Variants in GPN2 observed in about 807,000 individuals in gnomAD.
The protein encoded by GPN2 is ATP-binding domain 1 family member B.
In GPN2, 27 loss-of-function variants were observed where a neutral mutation model predicts 30.1. The ratio of observed to expected loss-of-function variants is 0.90; its 90% confidence interval spans 0.66 to 1.24. The LOEUF is 1.24. Among genes scored for constraint, GPN2 ranks in the 50% most tolerant of loss-of-function variants. The pLI is 0.00. For missense variants in GPN2, 406 were observed against 405.4 expected, an observed-to-expected ratio of 1.00 and a Z score of -0.01; for synonymous variants, 212 against 174.4, an observed-to-expected ratio of 1.22 and a Z score of -1.70.
chr1:26,885,737 G>A (rs554340885), intron 3 of GPN2, among the ~76,000 whole-genome samples: 7 of 151,882 alleles, frequency 4.6e-5, no homozygotes, highest in African/African-American at 4.8e-5. Flanking sequence ...CTGCTACCAC[G>A]CCCAGCTAAT....
chr1:26,883,750 C>T (rs530318675), intron 4 of GPN2, among the ~76,000 whole-genome samples: 41 of 150,878 alleles, frequency 2.7e-4, no homozygotes, highest in African/African-American at 9.8e-4. Context: ...CGCCATTGTG[C>T]GATCCAGCCT....
At position 26,876,214 on chromosome 1, in the gene GPN2, T is replaced by C. The variant is rs2081835987; in HGVS notation, c.*3463A>G. 1 of 151,870 alleles carries C rather than the reference T, an allele frequency of 6.6e-6. No individual in the cohort carries two copies. The highest frequency in any genetic ancestry group is 1.5e-5 in the Non-Finnish European group (1 of 67,984). 9.4% of individuals were successfully genotyped at this position (151,870 alleles called of 1,614,324 possible). ...CGTTATGGGATTCTGGGTGACTCAT[T>C]TTCGTTTTTTTTTTTTTTGAGATGT... On this transcript the variant is annotated 3_prime_UTR_variant, in exon 5 of 5. Transcript: ENST00000374135.
In GPN2 at chr1:26,889,728, G is replaced by C. The variant is rs776946386; in HGVS notation, c.369C>G (p.Ala123=). ...GQVELCTHHG[A]LRSIFSQMAQ... ...CCATTTGGGAGAAGATGCTGCGCAA[G>C]GCGCCGTGATGCGTGCAGAGCTCCA... Residue 123 remains alanine (A), a synonymous_variant, in exon 1 of 5, where the codon GCC becomes GCG. Transcript: ENST00000374135. 8 of 1,604,432 alleles carry C rather than the reference G, an allele frequency of 5.0e-6. No homozygotes were observed. The East Asian group carries it at 1.1e-4, about 22-fold the overall frequency.
chr1:26,884,120 C>A, intron 4 of GPN2, 40 bp downstream of exon 4: 1 of 1,582,666 alleles, frequency 6.3e-7, no homozygotes, highest in Non-Finnish European at 8.6e-7. Context: ...AGTCCCATGT[C>A]TCACCCTCTC....
At position 26,885,953 on chromosome 1, in the gene GPN2, C is replaced by G. The variant is rs778486660; in HGVS notation, c.729+20G>C. The G allele has an allele frequency of 6.3e-7, 1 of 1,587,350 alleles. No individual in the cohort carries two copies. Among genetic ancestry groups the G allele is most frequent in the Non-Finnish European group, 8.6e-7 (1 of 1,156,324 alleles). On this transcript the variant is annotated intron_variant, in intron 3 of 4. Transcript: ENST00000374135. The stretch of plus-strand genomic sequence containing the variant: ...GTGAATCCCATGCACTGTCAAGAGT[C>G]CCGTCTTAGCCCCTAGTACCTGGAT...
chr1:26,878,566 TGAA>T lies in GPN2; in HGVS notation c.*1108_*1110del, dbSNP rs2081850024. ...AAAGTGCTGGGCTTACAGGCATGAGTGAACACGCCCAGCCTTGTATTTCATTTT... is the reference window on the plus strand; with the variant it reads ...AAAGTGCTGGGCTTACAGGCATGAGTCACGCCCAGCCTTGTATTTCATTTT... On this transcript the variant is annotated 3_prime_UTR_variant, in exon 5 of 5. Coordinates refer to ENST00000374135, the MANE Select transcript of GPN2 (RefSeq NM_018066.4). 1.4e-5 allele frequency: 2 copies of T among 146,212 alleles called. No individual in the cohort carries two copies. Among genetic ancestry groups the T allele is most frequent in the African/African-American group, 5.1e-5 (2 of 39,340 alleles). 9.1% of individuals were successfully genotyped at this position (146,212 alleles called of 1,614,324 possible).
At chr1:26,880,958 C>A (rs1394885180) in intron 4 of GPN2, among the ~76,000 whole-genome samples, 2 of 152,212 alleles carry the variant, frequency 1.3e-5, no homozygotes. Context: ...AAGCTGACCA[C>A]TCCCTTATTT....
intron 1 of GPN2, among the ~76,000 whole-genome samples, 193 bp from the exon 2 acceptor site, chr1:26,889,318 C>T (rs867959295): frequency 3.3e-5 from 5 of 152,112 alleles, no homozygotes; most frequent in South Asian, 4.1e-4. Context: ...AGAGGTCTTG[C>T]ACTGAGCCTC....
In GPN2 at chr1:26,878,521, T is replaced by A. The variant is rs1325225795; in HGVS notation, c.*1156A>T. The A allele has an allele frequency of 6.6e-6, 1 of 151,704 alleles. No homozygotes were observed. The highest frequency in any genetic ancestry group is 6.6e-5 in the Admixed American group (1 of 15,214). The allele number at this position is 151,704 out of a possible 1,614,324, so 9.4% of individuals were successfully genotyped here. A position where few individuals can be genotyped will look rare whatever the true frequency, so the allele number is the denominator to read the frequency against. On this transcript the variant is annotated 3_prime_UTR_variant, in exon 5 of 5. Transcript: ENST00000374135. ...GTCTCGAACTCCTGACCTCAGGTGATCCGCCCGCCTCAGCCTCCCAAAGTG... is the reference window on the plus strand; with the variant it reads ...GTCTCGAACTCCTGACCTCAGGTGAACCGCCCGCCTCAGCCTCCCAAAGTG...
chr1:26,882,209 G>A (rs2081867900), intron 4 of GPN2, among the ~76,000 whole-genome samples: 1 of 144,474 alleles, frequency 6.9e-6, no homozygotes, highest in East Asian at 2.0e-4. Context: ...AAGATTGACG[G>A]TCCGTCTCAA....
In GPN2 at chr1:26,879,307, AG is replaced by A. The variant is rs2081852983; in HGVS notation, c.*369del. 4.3e-6 allele frequency: 1 copy of A among 230,648 alleles called. No individual in the cohort carries two copies. Among genetic ancestry groups the A allele is most frequent in the African/African-American group, 2.2e-5 (1 of 45,678 alleles). 14.3% of individuals were successfully genotyped at this position (230,648 alleles called of 1,614,324 possible). On this transcript the variant is annotated 3_prime_UTR_variant, in exon 5 of 5. Coordinates refer to ENST00000374135, the MANE Select transcript of GPN2 (RefSeq NM_018066.4). Reference sequence around the variant, plus strand: ...GGGAAATACTGATTATTCCAAGGCTAGGTGACACTCCCTCATTCTTCCCCAA... The same window carrying A: ...GGGAAATACTGATTATTCCAAGGCTAGTGACACTCCCTCATTCTTCCCCAA...
intron 4 of GPN2, among the ~76,000 whole-genome samples, chr1:26,881,867 ATCACTGCAC>A (rs1198090310): frequency 6.6e-6 from 1 of 151,690 alleles, no homozygotes; most frequent in Non-Finnish European, 1.5e-5. Context: ...CTATGATTGC[ATCACTGCAC>A]TCCAGCCTGG....
intron 2 of GPN2, among the ~76,000 whole-genome samples, chr1:26,887,977 G>A (rs2081900100): frequency 6.6e-6 from 1 of 151,848 alleles, no homozygotes; most frequent in South Asian, 2.1e-4. Flanking sequence ...TCCTGCCTCA[G>A]CCTCCCGAGT....
rs756449007 is a variant in GPN2 at position 26,890,042 on chromosome 1, C to T, written c.55G>A (p.Gly19Ser). 1 of 1,587,358 alleles carries T rather than the reference C, an allele frequency of 6.3e-7. No individual in the cohort carries two copies. The change falls in exon 1 of 5, where the codon GGC becomes AGC. Residue 19 changes from glycine to serine, a missense_variant. Physicochemically the swap from Gly to Ser is moderately conservative, Grantham distance 56 (BLOSUM62 0). Transcript: ENST00000374135. ...AGGCAGTACGTGGTCTTCCCTGAGC[C>T]CGGCGGGCCGATCACCGCCTGCCCG... is the stretch of plus-strand genomic sequence containing the variant. Reference protein sequence around the residue: ...AFGQAVIGPPGSGKTTYCLGM... With the variant: ...AFGQAVIGPPSSGKTTYCLGM...
chr1:26,888,171 T>C (rs764295096), intron 2 of GPN2, among the ~76,000 whole-genome samples: 8 of 152,152 alleles, frequency 5.3e-5, no homozygotes, highest in Admixed American at 1.3e-4. Flanking sequence ...AGAGTACTAA[T>C]TTATCAAGAA....
In GPN2 at chr1:26,884,275, G is replaced by A. The variant is rs1446369535; in HGVS notation, c.745C>T (p.Gln249Ter). ...PLNIQDKESIQRVLQAVDKAN... is the reference protein window; with the variant it reads ...PLNIQDKESI Reference sequence around the variant, plus strand: ...TTATCCACAGCCTGCAGGACTCGCTGGATGCTCTCCTTGTCCTGAGCAGGG... The same window carrying A: ...TTATCCACAGCCTGCAGGACTCGCTAGATGCTCTCCTTGTCCTGAGCAGGG... The change falls in exon 4 of 5, where the codon CAG (glutamine) becomes TAG (stop). Residue 249 changes from glutamine to a stop codon, truncating the protein, a stop_gained. Transcript: ENST00000374135. LOFTEE classifies it high-confidence loss of function. The A allele has an allele frequency of 3.1e-6, 5 of 1,612,670 alleles. No individual in the cohort carries two copies. Among genetic ancestry groups the A allele is most frequent in the Non-Finnish European group, 4.2e-6 (5 of 1,179,518 alleles).
intron 4 of GPN2, among the ~76,000 whole-genome samples, chr1:26,883,828 CAGG>C (rs2081876479): frequency 6.6e-6 from 1 of 151,340 alleles, no homozygotes; most frequent in Admixed American, 6.6e-5. Context: ...ATCACAAGGT[CAGG>C]AGATCAAGAC....
chr1:26,888,092 T>C (rs777496527), intron 2 of GPN2, among the ~76,000 whole-genome samples: 111 of 146,704 alleles, frequency 7.6e-4, no homozygotes, highest in Middle Eastern at 4.0e-3. Context: ...ACTCCTGACC[T>C]CAGGTGATCT....
chr1:26,884,085 A>C (rs2081878187), intron 4 of GPN2, 75 bp downstream of exon 4: 1 of 1,212,308 alleles, frequency 8.2e-7, no homozygotes, highest in Admixed American at 2.2e-5. Flanking sequence ...AAGGTTGATG[A>C]CTGCACCTCC....
Sources: allele counts gnomAD v4.1 joint callset (sites outside exome capture counted in the v4.1 genomes callset), GRCh38; gene constraint gnomAD v4.1.1; transcripts MANE v1.5; gene names NCBI Gene and HGNC (gene_info 2026-07-23, HGNC 2026-07-21).